ABCA13: variants seen among roughly 807,000 people sequenced by gnomAD.
The protein encoded by ABCA13 is ATP binding cassette subfamily A member 13.
Under a neutral mutation model 478.7 loss-of-function variants are expected in ABCA13, and 476 were observed. The ratio of observed to expected loss-of-function variants is 0.99; its 90% confidence interval spans 0.92 to 1.07. ABCA13 has a LOEUF of 1.07. ABCA13 is among the 50% of genes least tolerant of loss of function. The probability of loss-of-function intolerance (pLI) is 0.00; values close to 1 mark genes in which losing one functional copy is unlikely to be tolerated. For synonymous variants in ABCA13, 2,252 were observed against 2,158.9 expected (o/e 1.04, Z -1.20); for missense variants, 6,060 against 5,910.6 (o/e 1.03, Z -0.83).
chr7:48,465,094 G>A (rs1198857294), intron 43 of ABCA13, among the ~76,000 whole-genome samples: 2 of 152,190 alleles, frequency 1.3e-5, no homozygotes, highest in Admixed American at 6.5e-5. Context: ...GCTGGGCTGG[G>A]TGCCGTGCTC....
In ABCA13 at chr7:48,279,517, A is replaced by G; in HGVS notation, c.8323A>G (p.Ile2775Val). The stretch of plus-strand genomic sequence containing the variant: ...GCATCCAAATAACCTTTTGAAAACC[A>G]TAGAAACAGTTTTAGAGGCCTCCAG... Reference protein sequence around the residue: ...TQHPNNLLKTIETVLEASSGI... With the variant: ...TQHPNNLLKTVETVLEASSGI... The change falls in exon 18 of 62, where the codon ATA (isoleucine) becomes GTA (valine). Residue 2775 changes from isoleucine (I) to valine (V), a missense_variant. By Grantham distance (29) the Ile-to-Val change is conservative. Coordinates refer to ENST00000435803, the MANE Select transcript of ABCA13 (RefSeq NM_152701.5). 1 of 1,613,444 alleles carries G rather than the reference A, an allele frequency of 6.2e-7. No individual in the cohort carries two copies. Among genetic ancestry groups the G allele is most frequent in the African/African-American group, 1.3e-5 (1 of 75,040 alleles).
chr7:48,607,041 G>A (rs540644280), intron 58 of ABCA13, among the ~76,000 whole-genome samples: 4 of 152,274 alleles, frequency 2.6e-5, no homozygotes, highest in Admixed American at 6.5e-5. Flanking sequence ...CAGCAAGGAC[G>A]GATGCCCCTC....
intron 57 of ABCA13, among the ~76,000 whole-genome samples, chr7:48,594,342 C>G (rs1038400791): frequency 2.0e-5 from 3 of 151,942 alleles, no homozygotes; most frequent in Admixed American, 2.0e-4. Flanking sequence ...TCTGCTTGAT[C>G]AAATGTGCTT....
At chr7:48,418,181 A>G (rs1820285765) in intron 41 of ABCA13, among the ~76,000 whole-genome samples, 1 of 152,226 alleles carries the variant, frequency 6.6e-6, no homozygotes. Context: ...ATAAGTTTTC[A>G]ACTTACTTGG....
chr7:48,296,583 C>T (rs377387669), intron 21 of ABCA13, among the ~76,000 whole-genome samples: 1 of 151,900 alleles, frequency 6.6e-6, no homozygotes, highest in African/African-American at 2.4e-5. Flanking sequence ...CCTCAGCCTC[C>T]TGAGTAGCTG....
At chr7:48,191,230 C>G (rs1272474934) in intron 1 of ABCA13, among the ~76,000 whole-genome samples, 1 of 152,154 alleles carries the variant, frequency 6.6e-6, no homozygotes, top group Non-Finnish European at 1.5e-5. Context: ...CTTGACCTTT[C>G]TTTATAGTTT....
chr7:48,607,851 G>A lies in ABCA13; in HGVS notation c.14745-7434G>A, dbSNP rs971560698. 4.6e-5 allele frequency among the ~76,000 whole-genome samples: 7 copies of A among 152,210 alleles called. No homozygotes were observed. The East Asian group carries it at 1.4e-3, about 29-fold the overall frequency. On this transcript the variant is annotated intron_variant, in intron 58 of 61. Coordinates refer to ENST00000435803, the MANE Select transcript of ABCA13 (RefSeq NM_152701.5). ...AAATCTGTGAAAACTCTCCTTTAGTGAGTAGCTACCTACTCCTCTACTCAT... is the reference window on the plus strand; with the variant it reads ...AAATCTGTGAAAACTCTCCTTTAGTAAGTAGCTACCTACTCCTCTACTCAT...
chr7:48,545,597 C>A (rs1384579162), intron 55 of ABCA13, among the ~76,000 whole-genome samples: 1 of 151,034 alleles, frequency 6.6e-6, no homozygotes, highest in Admixed American at 6.6e-5. Flanking sequence ...AGTGACTAAA[C>A]AAACATTACA....
rs542528495 is a variant in ABCA13, at chr7:48,314,412, A to T, written c.9859+3A>T. 6.4e-7 allele frequency: 1 copy of T among 1,570,736 alleles called. No homozygotes were observed. Among genetic ancestry groups the T allele is most frequent in the South Asian group, 1.2e-5 (1 of 85,004 alleles). ...ATTCAACATTCCTGAAGATTCAAGT[A>T]AGACAGTAGTAATATATATATATGT... On this transcript the variant is annotated splice_donor_region_variant and intron_variant, in intron 26 of 61. Coordinates refer to ENST00000435803, the MANE Select transcript of ABCA13 (RefSeq NM_152701.5).
intron 42 of ABCA13, among the ~76,000 whole-genome samples, chr7:48,452,438 A>T (rs1231365408): frequency 3.9e-5 from 6 of 152,200 alleles, no homozygotes; most frequent in African/African-American, 1.4e-4. Context: ...AACCCAGGCC[A>T]GTGTGCACAT....
intron 49 of ABCA13, among the ~76,000 whole-genome samples, chr7:48,507,548 C>T (rs937967059): frequency 6.6e-6 from 1 of 152,114 alleles, no homozygotes. Context: ...ACAGCTTACC[C>T]GGATGCTGCT....
chr7:48,459,961 C>T (rs1026253523), intron 43 of ABCA13, among the ~76,000 whole-genome samples: 10 of 152,076 alleles, frequency 6.6e-5, no homozygotes, highest in African/African-American at 2.2e-4. Flanking sequence ...TAGAAAAACC[C>T]GTGAGCCCTC....
intron 53 of ABCA13, among the ~76,000 whole-genome samples, chr7:48,522,377 T>C (rs907047961): frequency 1.3e-5 from 2 of 152,120 alleles, no homozygotes; most frequent in Non-Finnish European, 2.9e-5. Context: ...TGCCATGAAT[T>C]CAGGTTTCCA....
At position 48,229,946 on chromosome 7, in the gene ABCA13, G is replaced by A. The variant is rs1788803560; in HGVS notation, c.754G>A (p.Ala252Thr). ...GACATTTCTGCAGCAACATGGAGTA[G>A]CAGTCACCGGTATGGGTGCCTTGTA... The part of the protein sequence containing the change: ...TLTFLQQHGV[A>T]VTEPVYHLSM... The change falls in exon 7 of 62, where the codon GCA (alanine) becomes ACA (threonine). Residue 252 changes from alanine to threonine, a missense_variant. Transcript: ENST00000435803. 2.5e-6 allele frequency: 4 copies of A among 1,613,764 alleles called. No individual in the cohort carries two copies. The South Asian group carries it at 3.3e-5, about 13-fold the overall frequency.
Position 48,385,383 on chromosome 7 carries a change from G to A in ABCA13, c.11336-2439G>A, listed in dbSNP as rs58344292. ...CTCATCATTCAGCTCCCACTTATAAGTGAGAACATGCAGTATTTGGTTTTC... is the reference window on the plus strand; with the variant it reads ...CTCATCATTCAGCTCCCACTTATAAATGAGAACATGCAGTATTTGGTTTTC... On this transcript the variant is annotated intron_variant, in intron 35 of 61. Transcript: ENST00000435803. Among the ~76,000 whole-genome samples, 814 of 152,228 alleles carry A rather than the reference G, an allele frequency of 5.3e-3. 14 individuals carry two copies. The highest frequency in any genetic ancestry group is 0.019 in the African/African-American group (781 of 41,546).
At chr7:48,505,329 C>T (rs1405102488) in intron 48 of ABCA13, among the ~76,000 whole-genome samples, 2 of 152,130 alleles carry the variant, frequency 1.3e-5, no homozygotes, top group Non-Finnish European at 2.9e-5. Flanking sequence ...TAGCCTGTTC[C>T]AACTCTGTAC....
At chr7:48,572,662 A>C (rs1377319206) in intron 55 of ABCA13, among the ~76,000 whole-genome samples, 8 of 152,122 alleles carry the variant, frequency 5.3e-5, no homozygotes, top group Non-Finnish European at 7.4e-5. Flanking sequence ...TAGTTACTAA[A>C]ATTTTGTGGT....
In ABCA13 at chr7:48,458,795, C is replaced by T. The variant is rs561987215; in HGVS notation, c.12815+3509C>T. 2.6e-5 allele frequency among the ~76,000 whole-genome samples: 4 copies of T among 152,270 alleles called. No individual in the cohort carries two copies. In the South Asian group the frequency reaches 6.2e-4, roughly 24 times the overall value. On this transcript the variant is annotated intron_variant, in intron 43 of 61. Coordinates refer to ENST00000435803, the MANE Select transcript of ABCA13 (RefSeq NM_152701.5). ...TTCTTGGGCCCAAACAAACCTGGGG[C>T]TTTGGCAACTCAGTCTGCAGTGTTC...
At chr7:48,260,552 A>G (rs754415895) in intron 15 of ABCA13, among the ~76,000 whole-genome samples, 4 of 152,000 alleles carry the variant, frequency 2.6e-5, no homozygotes, top group Non-Finnish European at 4.4e-5. Flanking sequence ...TCAGGATCAC[A>G]TATTCTTTCT....
Sources: allele counts gnomAD v4.1 joint callset (sites outside exome capture counted in the v4.1 genomes callset), GRCh38; gene constraint gnomAD v4.1.1; transcripts MANE v1.5; gene names NCBI Gene and HGNC (gene_info 2026-07-23, HGNC 2026-07-21).